The following TAFA2 variants were observed in gnomAD, a reference collection of about 807,000 sequenced individuals.
TAFA2 encodes the protein TAFA chemokine like family member 2.
Under a neutral mutation model 18.8 loss-of-function variants are expected in TAFA2, and 7 were observed. The observed-to-expected ratio is 0.37, with a 90% confidence interval of 0.21 to 0.70. The LOEUF (loss-of-function observed/expected upper bound fraction) is 0.70, where lower values mean the gene tolerates loss of function less well. TAFA2 is among the 30% of genes least tolerant of loss of function. TAFA2 has a pLI of 0.53. For missense variants in TAFA2, 122 were observed against 158.1 expected, an observed-to-expected ratio of 0.77 and a Z score of 1.23; for synonymous variants, 60 against 54.2, an observed-to-expected ratio of 1.11 and a Z score of -0.47.
intron 4 of TAFA2, among the ~76,000 whole-genome samples, chr12:61,740,920 T>C (rs1341876537): frequency 5.9e-5 from 9 of 151,824 alleles, no homozygotes; most frequent in Non-Finnish European, 1.3e-4. Context: ...GCTAAATAAC[T>C]CATGTTAAAC....
At chr12:62,218,142 C>G (rs572340686) in intron 1 of TAFA2, among the ~76,000 whole-genome samples, 1 of 151,938 alleles carries the variant, frequency 6.6e-6, no homozygotes, top group South Asian at 2.1e-4. Context: ...ACTACAGGCA[C>G]GCACCGTCAC....
In TAFA2 at chr12:61,810,179, A is replaced by G. The variant is rs989912758; in HGVS notation, c.107-55155T>C. On this transcript the variant is annotated intron_variant, in intron 2 of 4. Coordinates refer to ENST00000416284, the MANE Select transcript of TAFA2 (RefSeq NM_178539.5). ...ATGCATACCATAACATTTTTCTTCAAAATAAACCATGCCCAACATTTTAAG... is the reference window on the plus strand; with the variant it reads ...ATGCATACCATAACATTTTTCTTCAGAATAAACCATGCCCAACATTTTAAG... Among the ~76,000 whole-genome samples, 6 of 151,512 alleles carry G rather than the reference A, an allele frequency of 4.0e-5. 1 individual carries two copies. The highest frequency in any genetic ancestry group is 1.5e-4 in the African/African-American group (6 of 40,806).
At chr12:61,961,519 C>G (rs973549103) in intron 1 of TAFA2, among the ~76,000 whole-genome samples, 2 of 151,848 alleles carry the variant, frequency 1.3e-5, no homozygotes, top group Non-Finnish European at 2.9e-5. Context: ...GCCTCACATT[C>G]TATAGTATTT....
intron 1 of TAFA2, among the ~76,000 whole-genome samples, chr12:62,199,594 GTA>G (rs527699166): frequency 7.3e-5 from 11 of 150,168 alleles, no homozygotes; most frequent in Non-Finnish European, 1.0e-4. Context: ...GTATGTGTGT[GTA>G]TATATATATA....
chr12:61,774,564 A>G (rs544435423), intron 2 of TAFA2, among the ~76,000 whole-genome samples: 1 of 152,096 alleles, frequency 6.6e-6, no homozygotes, highest in African/African-American at 2.4e-5. Context: ...GAAGTAACTC[A>G]GGAATGGAAA....
In TAFA2 at chr12:61,729,033, A is replaced by ATT. The variant is rs57085801; in HGVS notation, c.385-18618_385-18617dup. On this transcript the variant is annotated intron_variant, in intron 4 of 4. Transcript: ENST00000416284. ...TCACTGAATACAAAATTCTTGGCTG[A>ATT]TTTTTTTTTTCATTTAAGAAGGCTA... 1.9e-4 allele frequency among the ~76,000 whole-genome samples: 28 copies of ATT among 149,866 alleles called. No homozygotes were observed. In the South Asian group the frequency reaches 2.3e-3, roughly 12 times the overall value.
At chr12:61,785,140 T>C (rs79646599) in intron 2 of TAFA2, among the ~76,000 whole-genome samples, 9 of 151,678 alleles carry the variant, frequency 5.9e-5, no homozygotes, top group Non-Finnish European at 1.2e-4. Context: ...GACTCTAGTA[T>C]TCTCTGTTCT....
chr12:62,150,216 C>T (rs1421453211), intron 1 of TAFA2, among the ~76,000 whole-genome samples: 1 of 152,268 alleles, frequency 6.6e-6, no homozygotes, highest in African/African-American at 2.4e-5. Flanking sequence ...AAACAAGATG[C>T]TTTCCCTAAA....
chr12:62,018,352 C>T (rs1309027293), intron 1 of TAFA2, among the ~76,000 whole-genome samples: 2 of 152,092 alleles, frequency 1.3e-5, no homozygotes, highest in Admixed American at 6.5e-5. Context: ...AATAGCAATC[C>T]ATGTATATGA....
chr12:61,766,952 T>C (rs1869816970), intron 2 of TAFA2, among the ~76,000 whole-genome samples: 1 of 152,112 alleles, frequency 6.6e-6, no homozygotes, highest in African/African-American at 2.4e-5. Flanking sequence ...CTCTGGCTTC[T>C]AGAACTTGCA....
intron 1 of TAFA2, among the ~76,000 whole-genome samples, chr12:61,903,344 A>G (rs1039592981): frequency 6.6e-5 from 10 of 152,180 alleles, no homozygotes; most frequent in Non-Finnish European, 1.2e-4. Context: ...TACACTGCTC[A>G]TTCTTCATTT....
At chr12:61,879,949 G>A in intron 1 of TAFA2, 1 of 890,558 alleles carries the variant, frequency 1.1e-6, no homozygotes, top group South Asian at 1.3e-5. Flanking sequence ...ACAAGGTAGA[G>A]CTGGAGTCTC....
At chr12:61,746,666 G>A (rs1414427290) in intron 4 of TAFA2, among the ~76,000 whole-genome samples, 1 of 152,056 alleles carries the variant, frequency 6.6e-6, no homozygotes, top group Non-Finnish European at 1.5e-5. Context: ...TTAAATTTGT[G>A]GTAATTTGCT....
At chr12:62,128,506 A>G (rs1209059377) in intron 1 of TAFA2, among the ~76,000 whole-genome samples, 1 of 152,096 alleles carries the variant, frequency 6.6e-6, no homozygotes, top group Non-Finnish European at 1.5e-5. Flanking sequence ...ACAAGAGGCC[A>G]GCACAGGTGT....
intron 1 of TAFA2, among the ~76,000 whole-genome samples, chr12:62,229,795 C>CT (rs2062804060): frequency 6.6e-6 from 1 of 151,630 alleles, no homozygotes; most frequent in South Asian, 2.1e-4. Flanking sequence ...TGTATTAGTT[C>CT]TTTTTTAAAT....
chr12:61,967,951 G>T (rs1879123440), intron 1 of TAFA2, among the ~76,000 whole-genome samples: 1 of 151,734 alleles, frequency 6.6e-6, no homozygotes, highest in Admixed American at 6.6e-5. Context: ...CTGGGTCCAG[G>T]CCTGGTAATG....
chr12:62,181,734 G>C (rs921459867), intron 1 of TAFA2, among the ~76,000 whole-genome samples: 4 of 152,168 alleles, frequency 2.6e-5, no homozygotes, highest in Non-Finnish European at 5.9e-5. Context: ...CAGTAGAATA[G>C]AGTCACGTAC....
intron 1 of TAFA2, among the ~76,000 whole-genome samples, chr12:61,870,434 A>G (rs1260431488): frequency 6.6e-6 from 1 of 152,162 alleles, no homozygotes; most frequent in African/African-American, 2.4e-5. Context: ...TGCATTCTCT[A>G]TGCTATGGCC....
intron 1 of TAFA2, among the ~76,000 whole-genome samples, chr12:62,117,287 G>A (rs1870002648): frequency 6.6e-6 from 1 of 152,036 alleles, no homozygotes; most frequent in South Asian, 2.1e-4. Context: ...TAGTTCCTGT[G>A]TTTGTTTGGA....
Sources: gnomAD v4.1 joint callset for allele counts (sites outside exome capture counted in the v4.1 genomes callset) on GRCh38, gnomAD v4.1.1 for gene constraint, MANE v1.5 for transcripts, NCBI Gene and HGNC (gene_info 2026-07-23, HGNC 2026-07-21) for gene names.